Variants in PCDH9 observed in about 807,000 individuals in gnomAD.
The protein encoded by PCDH9 is protocadherin-9.
In PCDH9, 24 loss-of-function variants were observed where a neutral mutation model predicts 70.6. The ratio of observed to expected loss-of-function variants is 0.34; its 90% CI spans 0.25 to 0.48. The LOEUF (loss-of-function observed/expected upper bound fraction) is 0.48. Among genes scored for constraint, PCDH9 ranks in the 20% least tolerant of loss-of-function variants. PCDH9 has a pLI of 0.99. For missense variants in PCDH9, 1,281 were observed against 1,503.6 expected (o/e 0.85, Z 2.45); for synonymous variants, 562 against 558.5 (o/e 1.01, Z -0.09).
At chr13:66,875,894 G>A (rs148055102) in intron 3 of PCDH9, among the ~76,000 whole-genome samples, 6 of 152,182 alleles carry the variant, frequency 3.9e-5, no homozygotes, top group East Asian at 3.9e-4. Flanking sequence ...CACATGTTAC[G>A]TGTCAGGCAG....
chr13:67,129,385 G>A (rs1262424101), intron 2 of PCDH9, among the ~76,000 whole-genome samples: 1 of 152,060 alleles, frequency 6.6e-6, no homozygotes, highest in Non-Finnish European at 1.5e-5. Flanking sequence ...ATAGACATGT[G>A]CATAAAAAAT....
intron 3 of PCDH9, among the ~76,000 whole-genome samples, chr13:66,761,478 C>T (rs2079626843): frequency 6.6e-6 from 1 of 152,142 alleles, no homozygotes; most frequent in African/African-American, 2.4e-5. Context: ...ATGCCAATCA[C>T]TTGAAATTTT....
At chr13:66,779,358 T>C (rs1304569931) in intron 3 of PCDH9, among the ~76,000 whole-genome samples, 1 of 152,104 alleles carries the variant, frequency 6.6e-6, no homozygotes, top group Non-Finnish European at 1.5e-5. Context: ...GATGAATACA[T>C]AAAATAATCT....
intron 3 of PCDH9, among the ~76,000 whole-genome samples, chr13:66,788,741 C>A (rs1166981474): frequency 1.4e-5 from 2 of 142,988 alleles, no homozygotes; most frequent in Non-Finnish European, 3.0e-5. Context: ...CAAAAAAAAT[C>A]CAAACAAACT....
intron 3 of PCDH9, among the ~76,000 whole-genome samples, chr13:66,664,871 C>T (rs796641948): frequency 6.6e-6 from 1 of 151,974 alleles, no homozygotes; most frequent in African/African-American, 2.4e-5. Flanking sequence ...TCCCATGATA[C>T]CCTACCCCCA....
intron 4 of PCDH9, among the ~76,000 whole-genome samples, chr13:66,501,759 G>T (rs1959178176): frequency 6.6e-6 from 1 of 151,720 alleles, no homozygotes; most frequent in Non-Finnish European, 1.5e-5. Flanking sequence ...TGACCAAAAA[G>T]AAAAAGAAAA....
At chr13:66,397,221 C>T (rs1394260179) in intron 4 of PCDH9, among the ~76,000 whole-genome samples, 5 of 152,106 alleles carry the variant, frequency 3.3e-5, no homozygotes, top group African/African-American at 1.2e-4. Context: ...GAGCTCAAGA[C>T]CAGCCTAAGC....
intron 3 of PCDH9, among the ~76,000 whole-genome samples, chr13:66,855,083 C>T (rs2081373390): frequency 1.3e-5 from 2 of 152,022 alleles, no homozygotes; most frequent in African/African-American, 4.8e-5. Context: ...ACACTAAATT[C>T]CCCTTTCTTG....
chr13:67,074,812 A>G (rs953376159), intron 2 of PCDH9, among the ~76,000 whole-genome samples: 2 of 152,144 alleles, frequency 1.3e-5, no homozygotes, highest in African/African-American at 4.8e-5. Context: ...TAGTATTAAT[A>G]AGCAAAAAAG....
At chr13:66,467,094 A>G (rs1958527724) in intron 4 of PCDH9, among the ~76,000 whole-genome samples, 1 of 152,042 alleles carries the variant, frequency 6.6e-6, no homozygotes, top group Non-Finnish European at 1.5e-5. Flanking sequence ...TTCTTTAAGT[A>G]ACTAGTGTAA....
chr13:66,699,689 G>C (rs1361832749), intron 3 of PCDH9, among the ~76,000 whole-genome samples: 1 of 152,012 alleles, frequency 6.6e-6, no homozygotes, highest in Non-Finnish European at 1.5e-5. Flanking sequence ...CAGACACCTT[G>C]ATTTTTGGAC....
chr13:66,354,448 A>G (rs761156556), intron 4 of PCDH9, among the ~76,000 whole-genome samples: 66 of 152,192 alleles, frequency 4.3e-4, no homozygotes, highest in African/African-American at 1.0e-3. Context: ...ATTGGCCCCA[A>G]TGATCTTGAG....
intron 2 of PCDH9, among the ~76,000 whole-genome samples, chr13:66,994,626 A>C (rs574597095): frequency 6.6e-6 from 1 of 152,336 alleles, no homozygotes; most frequent in South Asian, 2.1e-4. Context: ...CCAGAAATAG[A>C]GCTGAGCCTG....
At chr13:67,042,255 G>T (rs190083906) in intron 2 of PCDH9, among the ~76,000 whole-genome samples, 9 of 152,132 alleles carry the variant, frequency 5.9e-5, no homozygotes, top group Non-Finnish European at 7.4e-5. Flanking sequence ...AACTGCCCGA[G>T]ACTGGGTAAT....
intron 3 of PCDH9, among the ~76,000 whole-genome samples, chr13:66,676,501 C>T (rs1396978260): frequency 1.3e-5 from 2 of 152,028 alleles, no homozygotes; most frequent in Non-Finnish European, 2.9e-5. Context: ...TCTTATATGA[C>T]TTAAGATATA....
chr13:67,112,709 G>A lies in PCDH9; in HGVS notation c.3036+112696C>T, dbSNP rs528708091. Among the ~76,000 whole-genome samples, 23 of 118,992 alleles carry A rather than the reference G, an allele frequency of 1.9e-4. No individual in the cohort carries two copies. In the South Asian group the frequency reaches 5.5e-3, roughly 29 times the overall value. 78.1% of individuals were successfully genotyped at this position (118,992 alleles called of 152,430 possible). On this transcript the variant is annotated intron_variant, in intron 2 of 4. Coordinates refer to ENST00000377865, the MANE Select transcript of PCDH9 (RefSeq NM_203487.3). ...TCCCTTCTTCCTTTCCTCCCTTTCC[G>A]CCTTCCTTCTTTCCTTCTTTCCTTT...
At chr13:66,989,985 A>C (rs1239686724) in intron 2 of PCDH9, among the ~76,000 whole-genome samples, 1 of 151,918 alleles carries the variant, frequency 6.6e-6, no homozygotes, top group East Asian at 1.9e-4. Flanking sequence ...ACTGATAACA[A>C]AATTTTCAGT....
intron 4 of PCDH9, among the ~76,000 whole-genome samples, chr13:66,483,314 A>G (rs1958874934): frequency 6.6e-6 from 1 of 152,228 alleles, no homozygotes; most frequent in Non-Finnish European, 1.5e-5. Flanking sequence ...GGATTTGTAT[A>G]TTATGGCTAG....
intron 3 of PCDH9, among the ~76,000 whole-genome samples, chr13:66,714,490 A>G (rs1038861880): frequency 1.3e-5 from 2 of 151,792 alleles, no homozygotes; most frequent in Non-Finnish European, 2.9e-5. Flanking sequence ...AAAAAGTTAC[A>G]TTGATTTTAT....
Sources: gnomAD v4.1 joint callset for allele counts (sites outside exome capture counted in the v4.1 genomes callset) on GRCh38, gnomAD v4.1.1 for gene constraint, MANE v1.5 for transcripts, NCBI Gene and HGNC (gene_info 2026-07-23, HGNC 2026-07-21) for gene names.